Variants in SLC36A1 observed in about 807,000 individuals in gnomAD.
SLC36A1 encodes the protein proton-coupled amino acid transporter 1.
A neutral mutation model predicts 47.5 loss-of-function variants in SLC36A1; 30 were observed. The observed-to-expected ratio is 0.63, with a 90% CI of 0.47 to 0.86. The LOEUF (loss-of-function observed/expected upper bound fraction) is 0.86. Among genes scored for constraint, SLC36A1 ranks in the 40% least tolerant of loss-of-function variants. The pLI is 0.00. For missense variants in SLC36A1, 517 were observed against 606.0 expected, an observed-to-expected ratio of 0.85 and a Z score of 1.54; for synonymous variants, 255 against 249.7, an observed-to-expected ratio of 1.02 and a Z score of -0.20.
At chr5:151,531,656 C>T in the SLC36A1 span, 11 of 1,613,660 alleles carry the variant, frequency 6.8e-6, no homozygotes, top group South Asian at 3.3e-5. This position sits in a 1 kb window ranked among gnomAD's most constrained non-coding sequence, Gnocchi z 5.7. Context: ...GTCTTCTCTG[C>T]GCCCGGGCGA....
chr5:151,394,814 T>TG, the SLC36A1 span, among the ~76,000 whole-genome samples: 2 of 152,142 alleles, frequency 1.3e-5, no homozygotes, highest in South Asian at 4.1e-4. Flanking sequence ...CTGCCCCTAC[T>TG]GGGGGGTGCC....
intron 2 of SLC36A1, among the ~76,000 whole-genome samples, chr5:151,461,183 GT>G (rs1299182745): frequency 6.9e-5 from 10 of 145,398 alleles, no homozygotes; most frequent in Non-Finnish European, 1.5e-4. Context: ...TAGAGATAGG[GT>G]TTTGCTATGT....
the SLC36A1 span, among the ~76,000 whole-genome samples, chr5:151,393,383 G>A: frequency 4.9e-3 from 753 of 152,240 alleles, 11 homozygotes; most frequent in African/African-American, 0.017. Flanking sequence ...CTTTTAATTG[G>A]AGTATTTAGC....
At chr5:151,388,894 G>A in the SLC36A1 span, among the ~76,000 whole-genome samples, 1 of 152,114 alleles carries the variant, frequency 6.6e-6, no homozygotes, top group Non-Finnish European at 1.5e-5. Flanking sequence ...GAAGGTAGGG[G>A]CTGGATCTGA....
the SLC36A1 span, among the ~76,000 whole-genome samples, chr5:151,508,167 C>A: frequency 6.6e-6 from 1 of 152,296 alleles, no homozygotes; most frequent in African/African-American, 2.4e-5. Context: ...ACTTCTGTGG[C>A]CAGCTTTATC....
the SLC36A1 span, chr5:151,527,950 T>A: frequency 6.3e-7 from 1 of 1,599,970 alleles, no homozygotes; most frequent in Non-Finnish European, 8.5e-7. Flanking sequence ...TGGGACTGTG[T>A]CTCTGCTCTA....
chr5:151,409,691 A>T, the SLC36A1 span, among the ~76,000 whole-genome samples: 13 of 152,194 alleles, frequency 8.5e-5, no homozygotes, highest in African/African-American at 2.9e-4. Context: ...GCCCCCAGGA[A>T]ATTTGTGTGC....
At chr5:151,428,086 C>T in the SLC36A1 span, among the ~76,000 whole-genome samples, 3 of 152,202 alleles carry the variant, frequency 2.0e-5, no homozygotes, top group African/African-American at 7.2e-5. Flanking sequence ...GGTGGTGGCT[C>T]TCCCTGGCGG....
chr5:151,479,561 A>G, intron 10 of SLC36A1, 72 bp downstream of exon 10: 1 of 1,545,138 alleles, frequency 6.5e-7, no homozygotes. Flanking sequence ...TTTCATGAGA[A>G]AAGACAATGT....
At chr5:151,348,226 C>T in the SLC36A1 span, among the ~76,000 whole-genome samples, 1 of 152,150 alleles carries the variant, frequency 6.6e-6, no homozygotes, top group Non-Finnish European at 1.5e-5. Context: ...GACTCCCAGC[C>T]ACAGTTTGCT....
the SLC36A1 span, among the ~76,000 whole-genome samples, chr5:151,387,669 C>T: frequency 6.6e-6 from 1 of 152,130 alleles, no homozygotes; most frequent in Non-Finnish European, 1.5e-5. Flanking sequence ...TGGCACAATC[C>T]TAGCTCTCTG....
chr5:151,550,736 C>T, the SLC36A1 span: 3 of 1,613,974 alleles, frequency 1.9e-6, no homozygotes, highest in African/African-American at 2.7e-5. Flanking sequence ...AGGCTTTTGC[C>T]CTTGTCTTGA....
the SLC36A1 span, among the ~76,000 whole-genome samples, chr5:151,500,503 G>A: frequency 3.9e-5 from 6 of 152,244 alleles, no homozygotes; most frequent in East Asian, 1.2e-3. Context: ...GAGTAGCTGG[G>A]ATTACAGGCA....
At chr5:151,354,640 C>T in the SLC36A1 span, among the ~76,000 whole-genome samples, 1,990 of 152,284 alleles carry the variant, frequency 0.013, 15 homozygotes, top group South Asian at 0.025. Context: ...GGTTAGGGGT[C>T]ATTTGGATTA....
At position 151,488,372 on chromosome 5, in the gene SLC36A1, C is replaced by A; in HGVS notation, c.*118C>A. 1.5e-6 allele frequency: 2 copies of A among 1,342,084 alleles called. No homozygotes were observed. Among genetic ancestry groups the A allele is most frequent in the Non-Finnish European group, 2.0e-6 (2 of 990,662 alleles). The allele number at this position is 1,342,084 out of a possible 1,614,324, so 83.1% of individuals were successfully genotyped here. A position where few individuals can be genotyped will look rare whatever the true frequency, so the allele number is the denominator to read the frequency against. ...GAAAGTCAGGGTTGCTGTGTGGGAA[C>A]CCCTCTGCCTGGCACCTGGATACCC... On this transcript the variant is annotated 3_prime_UTR_variant, in exon 11 of 11. Coordinates refer to ENST00000243389, the MANE Select transcript of SLC36A1 (RefSeq NM_078483.4).
At chr5:151,386,773 G>T in the SLC36A1 span, among the ~76,000 whole-genome samples, 1 of 152,166 alleles carries the variant, frequency 6.6e-6, no homozygotes, top group Admixed American at 6.5e-5. Context: ...CTCAGGCTCT[G>T]CCCGGTCCCT....
At chr5:151,468,272 T>A (rs1310309102) in intron 7 of SLC36A1, among the ~76,000 whole-genome samples, 2,718 of 73,896 alleles carry the variant, frequency 0.037, 248 homozygotes, top group African/African-American at 0.13. Flanking sequence ...AAAAAATATA[T>A]ATATATATAT....
At chr5:151,376,342 A>G in the SLC36A1 span, among the ~76,000 whole-genome samples, 10 of 151,948 alleles carry the variant, frequency 6.6e-5, no homozygotes, top group Non-Finnish European at 2.9e-5. Context: ...AAGTTTGTCA[A>G]TTTTGCTTAT....
the SLC36A1 span, chr5:151,347,484 C>T: frequency 2.4e-5 from 39 of 1,612,746 alleles, no homozygotes; most frequent in Middle Eastern, 7.8e-4. Flanking sequence ...ACAAGGAGCT[C>T]GGGGTGACAA....
Sources: gnomAD v4.1 joint callset for allele counts (sites outside exome capture counted in the v4.1 genomes callset) on GRCh38, gnomAD v4.1.1 for gene constraint, Gnocchi (gnomAD v3.1) non-coding constraint, MANE v1.5 for transcripts, NCBI Gene and HGNC (gene_info 2026-07-23, HGNC 2026-07-21) for gene names.